LOC400499: variants seen among roughly 807,000 people sequenced by gnomAD.
chr16:11,433,618 G>C, the LOC400499 span, among the ~76,000 whole-genome samples: 1 of 152,212 alleles, frequency 6.6e-6, no homozygotes, highest in Non-Finnish European at 1.5e-5. Flanking sequence ...TTCCTGGACA[G>C]GAACTGGTCA....
At chr16:11,401,249 G>A in the LOC400499 span, 1 of 399,164 alleles carries the variant, frequency 2.5e-6, no homozygotes. Flanking sequence ...AAGGGCGCCT[G>A]GGACATCCTC....
the LOC400499 span, chr16:11,450,705 G>C: frequency 2.0e-6 from 3 of 1,536,128 alleles, no homozygotes; most frequent in South Asian, 3.6e-5. Flanking sequence ...GGTCCTTTAG[G>C]GTCCAGGCCT....
At chr16:11,523,427 C>A in the LOC400499 span, 3 of 398,664 alleles carry the variant, frequency 7.5e-6, no homozygotes, top group Non-Finnish European at 1.3e-5. Flanking sequence ...CACCTGTGCA[C>A]GCAGTCATGC....
At chr16:11,401,568 C>A in the LOC400499 span, among the ~76,000 whole-genome samples, 5 of 151,904 alleles carry the variant, frequency 3.3e-5, no homozygotes, top group Admixed American at 6.5e-5. Context: ...AGAGCTCAGT[C>A]CATTTCACAG....
At chr16:11,415,000 G>A in the LOC400499 span, among the ~76,000 whole-genome samples, 63 of 152,332 alleles carry the variant, frequency 4.1e-4, no homozygotes, top group Middle Eastern at 6.8e-3. Context: ...CGGGGGTGCA[G>A]TGAGTGCTTT....
chr16:11,442,216 CTATTTTATATTTTATTT>C, the LOC400499 span: 1 of 152,230 alleles, frequency 6.6e-6, no homozygotes, highest in African/African-American at 2.4e-5. Context: ...TTATTTTATT[CTATTTTATATTTTATTT>C]TATTTTAGAG....
At chr16:11,476,795 G>T in the LOC400499 span, 136 of 399,202 alleles carry the variant, frequency 3.4e-4, no homozygotes, top group Admixed American at 6.6e-4. Flanking sequence ...GCCTCCTCAG[G>T]CGTGTTCAGA....
chr16:11,404,633 C>T, the LOC400499 span: 1 of 398,540 alleles, frequency 2.5e-6, no homozygotes, highest in Admixed American at 4.4e-5. Context: ...AGGCATGAGC[C>T]ACCGCGCCTG....
the LOC400499 span, chr16:11,460,615 G>T: frequency 6.5e-7 from 1 of 1,529,040 alleles, no homozygotes; most frequent in African/African-American, 1.4e-5. Flanking sequence ...CCTGACCTGT[G>T]TGGATCAACC....
the LOC400499 span, among the ~76,000 whole-genome samples, chr16:11,519,789 T>C: frequency 6.6e-6 from 1 of 150,930 alleles, no homozygotes; most frequent in African/African-American, 2.4e-5. Flanking sequence ...CACAGCAACC[T>C]CCATCTCCCG....
the LOC400499 span, among the ~76,000 whole-genome samples, chr16:11,447,175 T>C: frequency 6.6e-6 from 1 of 152,318 alleles, no homozygotes; most frequent in East Asian, 1.9e-4. Context: ...AGAGGATAGA[T>C]GACACACAGC....
the LOC400499 span, among the ~76,000 whole-genome samples, chr16:11,463,779 ATG>A: frequency 3.3e-5 from 5 of 152,090 alleles, no homozygotes; most frequent in African/African-American, 9.7e-5. Flanking sequence ...GTATATACAG[ATG>A]TGTCTACATA....
the LOC400499 span, among the ~76,000 whole-genome samples, chr16:11,408,766 A>G: frequency 2.6e-5 from 4 of 152,104 alleles, no homozygotes; most frequent in African/African-American, 9.7e-5. Context: ...TCCAGTTGGG[A>G]CTTTTCTGAA....
chr16:11,482,434 T>C, the LOC400499 span, among the ~76,000 whole-genome samples: 4 of 152,140 alleles, frequency 2.6e-5, no homozygotes, highest in Admixed American at 2.0e-4. Context: ...CAGGCAAAAA[T>C]TTCTGAGATG....
chr16:11,402,318 G>A, the LOC400499 span: 1 of 396,360 alleles, frequency 2.5e-6, no homozygotes, highest in African/African-American at 2.1e-5. Context: ...AAACTCAGAA[G>A]CTACACACTC....
chr16:11,427,431 AACCACTAGAC>A, the LOC400499 span, among the ~76,000 whole-genome samples: 5 of 151,700 alleles, frequency 3.3e-5, no homozygotes, highest in Non-Finnish European at 7.4e-5. Flanking sequence ...CACAAGGAGA[AACCACTAGAC>A]ACTAATTTGA....
chr16:11,482,423 T>A, the LOC400499 span, among the ~76,000 whole-genome samples: 1 of 152,160 alleles, frequency 6.6e-6, no homozygotes, highest in East Asian at 1.9e-4. Flanking sequence ...TAACATCCCA[T>A]CAGGCAAAAA....
chr16:11,477,788 C>G, the LOC400499 span: 2 of 398,638 alleles, frequency 5.0e-6, no homozygotes, highest in Admixed American at 8.8e-5. Flanking sequence ...GATCCCACCA[C>G]CTAACCTGCG....
chr16:11,431,565 C>G, the LOC400499 span, among the ~76,000 whole-genome samples: 2 of 152,180 alleles, frequency 1.3e-5, no homozygotes, highest in African/African-American at 4.8e-5. Context: ...ACCACAACAG[C>G]TGGCTAGTTT....
Sources: allele counts gnomAD v4.1 joint callset (sites outside exome capture counted in the v4.1 genomes callset), GRCh38; gene constraint gnomAD v4.1.1; transcripts MANE v1.5.